The following ANO6 variants were observed in gnomAD, a reference collection of about 807,000 sequenced individuals.
The protein encoded by ANO6 is anoctamin 6.
A neutral mutation model predicts 117.5 loss-of-function variants in ANO6; 106 were observed. That is an observed-to-expected ratio of 0.90 (90% CI 0.77 to 1.06). The LOEUF is 1.06. Ranked by LOEUF, ANO6 falls within the 50% of genes least tolerant of loss-of-function variation. The pLI, the probability that ANO6 is intolerant of heterozygous loss-of-function variation, is 0.00. For synonymous variants in ANO6, 367 were observed against 385.1 expected (o/e 0.95, Z 0.55); for missense variants, 955 against 1,121.1 (o/e 0.85, Z 2.12).
At chr12:45,314,502 T>C (rs1011605245) in intron 2 of ANO6, among the ~76,000 whole-genome samples, 9 of 149,796 alleles carry the variant, frequency 6.0e-5, no homozygotes, top group African/African-American at 2.2e-4. Context: ...CATATATACA[T>C]ATATACACAT....
chr12:45,385,161 T>G (rs536078106), intron 10 of ANO6, among the ~76,000 whole-genome samples: 2 of 152,210 alleles, frequency 1.3e-5, no homozygotes, highest in African/African-American at 4.8e-5. Flanking sequence ...CCTGCACATG[T>G]GAAGGTGACA....
intron 1 of ANO6, among the ~76,000 whole-genome samples, chr12:45,298,065 G>C (rs909414774): frequency 6.6e-6 from 1 of 152,136 alleles, no homozygotes; most frequent in Non-Finnish European, 1.5e-5. Context: ...CACTTTCATT[G>C]TGCATCCATG....
intron 10 of ANO6, among the ~76,000 whole-genome samples, chr12:45,384,484 G>A (rs896516640): frequency 2.6e-5 from 4 of 152,182 alleles, no homozygotes; most frequent in African/African-American, 7.2e-5. Context: ...AGTGAGAGAT[G>A]TGTGAGTCTT....
intron 15 of ANO6, 56 bp from the exon 16 acceptor site, chr12:45,409,301 T>C: frequency 6.2e-7 from 1 of 1,605,022 alleles, no homozygotes. Context: ...CAAAATATTT[T>C]TATGACCTTG....
At chr12:45,334,478 C>G (rs1000846695) in intron 3 of ANO6, among the ~76,000 whole-genome samples, 4 of 151,976 alleles carry the variant, frequency 2.6e-5, no homozygotes, top group African/African-American at 9.7e-5. Context: ...TAGCCAGAGG[C>G]AGAGAGAAGG....
At chr12:45,337,438 C>T (rs960170407) in intron 3 of ANO6, among the ~76,000 whole-genome samples, 1 of 152,062 alleles carries the variant, frequency 6.6e-6, no homozygotes, top group Non-Finnish European at 1.5e-5. Context: ...TGGTAGGCTA[C>T]ACCTTCTAGG....
intron 1 of ANO6, among the ~76,000 whole-genome samples, chr12:45,240,554 A>C (rs1947726236): frequency 1.3e-5 from 2 of 151,520 alleles, no homozygotes; most frequent in African/African-American, 4.8e-5. Context: ...ATTTACATTT[A>C]AGGTTAATAT....
At chr12:45,369,514 A>C (rs1941769149) in intron 9 of ANO6, among the ~76,000 whole-genome samples, 2 of 152,210 alleles carry the variant, frequency 1.3e-5, no homozygotes. Flanking sequence ...GAAAAAAAAA[A>C]ATTGAATCTT....
At chr12:45,293,307 T>C (rs972211712) in intron 1 of ANO6, among the ~76,000 whole-genome samples, 1 of 152,184 alleles carries the variant, frequency 6.6e-6, no homozygotes, top group Non-Finnish European at 1.5e-5. Flanking sequence ...GACAATGGCT[T>C]GCCCTCTAGG....
chr12:45,251,709 G>A (rs1937632243), intron 1 of ANO6, among the ~76,000 whole-genome samples: 1 of 152,314 alleles, frequency 6.6e-6, no homozygotes, highest in Non-Finnish European at 1.5e-5. Context: ...CTAGATTCAG[G>A]GGGAGGGGCC....
intron 16 of ANO6, among the ~76,000 whole-genome samples, chr12:45,411,658 G>A (rs1943088873): frequency 6.6e-6 from 1 of 152,142 alleles, no homozygotes; most frequent in African/African-American, 2.4e-5. Flanking sequence ...ACTGCTTAAG[G>A]GAAACATCTT....
At chr12:45,337,038 A>G (rs1243475724) in intron 3 of ANO6, among the ~76,000 whole-genome samples, 1 of 152,128 alleles carries the variant, frequency 6.6e-6, no homozygotes, top group African/African-American at 2.4e-5. Flanking sequence ...GTTAAAAATT[A>G]AAGATAGAAA....
chr12:45,394,328 G>A (rs113807724), intron 12 of ANO6, among the ~76,000 whole-genome samples: 2,025 of 152,186 alleles, frequency 0.013, 39 homozygotes, highest in African/African-American at 0.047. Flanking sequence ...CCCAATAAAG[G>A]AGCACCCAGA....
At chr12:45,435,567 T>C (rs1267618317), downstream of ANO6, among the ~76,000 whole-genome samples, 3 of 152,202 alleles carry the variant, frequency 2.0e-5, no homozygotes, top group Non-Finnish European at 2.9e-5. Context: ...TTGTAAATGA[T>C]GAGAAGGAAA....
intron 8 of ANO6, among the ~76,000 whole-genome samples, chr12:45,357,736 G>A (rs1366990935): frequency 1.3e-5 from 2 of 152,158 alleles, no homozygotes; most frequent in Admixed American, 6.5e-5. Context: ...GGCCCCTAGA[G>A]GAATGTACAC....
chr12:45,230,600 C>T lies in ANO6; in HGVS notation c.70+14209C>T, dbSNP rs140281132. On this transcript the variant is annotated intron_variant, in intron 1 of 19. Transcript: ENST00000320560. The stretch of plus-strand genomic sequence containing the variant: ...ATTTTCCAGTAGATGCATTTCACAA[C>T]AGAATTGTATCACTTTAAATATATA... Among the ~76,000 whole-genome samples the T allele has an allele frequency of 3.2e-3, 480 of 151,816 alleles. 1 individual carries two copies. Among genetic ancestry groups the T allele is most frequent in the Middle Eastern group, 0.01 (3 of 294 alleles).
chr12:45,356,392 G>C (rs953268717), intron 7 of ANO6, among the ~76,000 whole-genome samples: 1 of 151,924 alleles, frequency 6.6e-6, no homozygotes, highest in African/African-American at 2.4e-5. Context: ...AGTGACACCC[G>C]CACACACATA....
In ANO6 at chr12:45,403,247, AAT is replaced by A; in HGVS notation, c.1782+12_1782+13del. 6.2e-7 allele frequency: 1 copy of A among 1,613,256 alleles called. No individual in the cohort carries two copies. The highest frequency in any genetic ancestry group is 8.5e-7 in the Non-Finnish European group (1 of 1,179,504). ...GAAAATACAGAAATGAAGAGGTATG[AAT>A]ATATAATTGTATTATCTTGCCAGTT... is the stretch of plus-strand genomic sequence containing the variant. On this transcript the variant is annotated splice_region_variant and intron_variant, in intron 14 of 19. Coordinates refer to ENST00000320560, the MANE Select transcript of ANO6 (RefSeq NM_001025356.3).
chr12:45,364,900 T>G (rs1941646211), intron 8 of ANO6, among the ~76,000 whole-genome samples: 1 of 152,260 alleles, frequency 6.6e-6, no homozygotes, highest in Non-Finnish European at 1.5e-5. Context: ...ATGTAGCAAA[T>G]CTGGAAATCA....
Sources: gnomAD v4.1 joint callset for allele counts (sites outside exome capture counted in the v4.1 genomes callset) on GRCh38, gnomAD v4.1.1 for gene constraint, MANE v1.5 for transcripts, NCBI Gene and HGNC (gene_info 2026-07-23, HGNC 2026-07-21) for gene names.